Variants in NEK10 observed in about 807,000 individuals in gnomAD.
NEK10 encodes the protein serine/threonine-protein kinase Nek10.
NEK10 carries 122 observed loss-of-function variants against 159.8 expected under a neutral mutation model. The ratio of observed to expected loss-of-function variants is 0.76; its 90% confidence interval spans 0.66 to 0.89. The LOEUF is 0.89. Ranked by LOEUF, NEK10 falls within the 40% of genes least tolerant of loss-of-function variation. NEK10 has a pLI of 0.00. For synonymous variants in NEK10, 466 were observed against 457.1 expected (o/e 1.02, Z -0.25); for missense variants, 1,342 against 1,323.1 (o/e 1.01, Z -0.22).
chr3:27,368,451 T>C (rs2049266796), intron 1 of NEK10, among the ~76,000 whole-genome samples: 2 of 151,864 alleles, frequency 1.3e-5, no homozygotes, highest in Admixed American at 6.6e-5. Flanking sequence ...ATGGTGGAAA[T>C]TGAGACAGTA....
In NEK10 at chr3:27,108,172, T is replaced by C. The variant is rs1489218407; in HGVS notation, c.*3100A>G. Among the ~76,000 whole-genome samples the C allele has an allele frequency of 6.6e-6, 1 of 152,224 alleles. No homozygotes were observed. On this transcript the variant is annotated 3_prime_UTR_variant, in exon 36 of 36. Transcript: ENST00000691995. ...CTCTTAATCAATTATATCATTTGAGTAAATTTCCTAACAGTGTTTCTTAAT... is the reference window on the plus strand; with the variant it reads ...CTCTTAATCAATTATATCATTTGAGCAAATTTCCTAACAGTGTTTCTTAAT...
At chr3:27,340,561 A>G (rs918738539) in intron 5 of NEK10, among the ~76,000 whole-genome samples, 8 of 152,148 alleles carry the variant, frequency 5.3e-5, no homozygotes, top group African/African-American at 1.9e-4. Context: ...TGAATTGGCA[A>G]CTCTCAAAAG....
chr3:27,263,094 T>A (rs940343204), intron 22 of NEK10, among the ~76,000 whole-genome samples: 31 of 152,216 alleles, frequency 2.0e-4, no homozygotes, highest in Admixed American at 7.9e-4. Flanking sequence ...CCAGACCCTG[T>A]TTGCCTGGGT....
chr3:27,207,264 T>C (rs1559611935), intron 23 of NEK10, among the ~76,000 whole-genome samples: 1 of 152,202 alleles, frequency 6.6e-6, no homozygotes, highest in Admixed American at 6.5e-5. Context: ...TAAGGGTTTA[T>C]AAGAACTAGC....
At chr3:27,131,680 C>T (rs181885206) in intron 32 of NEK10, among the ~76,000 whole-genome samples, 200 bp downstream of exon 32, 1 of 152,182 alleles carries the variant, frequency 6.6e-6, no homozygotes, top group Non-Finnish European at 1.5e-5. Flanking sequence ...AAAAAGCTAT[C>T]CATTTGTTAT....
intron 32 of NEK10, among the ~76,000 whole-genome samples, chr3:27,131,604 G>A (rs969527330): frequency 2.6e-5 from 4 of 152,102 alleles, no homozygotes; most frequent in Admixed American, 6.6e-5. Context: ...TTCTCTAGAA[G>A]AGGCTAAAAT....
chr3:27,176,694 C>T (rs1278355497), intron 26 of NEK10, among the ~76,000 whole-genome samples: 1 of 152,180 alleles, frequency 6.6e-6, no homozygotes, highest in East Asian at 1.9e-4. Flanking sequence ...CAATTCAAGG[C>T]CTTTTCCTTC....
intron 30 of NEK10, among the ~76,000 whole-genome samples, chr3:27,158,113 C>T (rs1522159): frequency 0.24 from 36,354 of 151,966 alleles, 4,652 homozygotes; most frequent in Middle Eastern, 0.38. Context: ...TTGGCCGGGA[C>T]GGAACCTGCA....
chr3:27,263,482 G>A (rs1250803226), intron 22 of NEK10, among the ~76,000 whole-genome samples: 2 of 152,176 alleles, frequency 1.3e-5, no homozygotes, highest in African/African-American at 2.4e-5. Context: ...GAGCTTCCCG[G>A]CTGCTTTGTT....
At chr3:27,118,983 C>T (rs1201630143) in intron 33 of NEK10, among the ~76,000 whole-genome samples, 1 of 152,178 alleles carries the variant, frequency 6.6e-6, no homozygotes, top group Non-Finnish European at 1.5e-5. Context: ...CTATCCACTC[C>T]TCCAAGTGAC....
intron 3 of NEK10, among the ~76,000 whole-genome samples, chr3:27,348,455 T>C (rs999129973): frequency 2.6e-5 from 4 of 152,162 alleles, no homozygotes; most frequent in Non-Finnish European, 5.9e-5. Flanking sequence ...AACCTAATAG[T>C]AGGCACCTTG....
intron 23 of NEK10, among the ~76,000 whole-genome samples, chr3:27,250,377 G>C (rs988162049): frequency 6.6e-6 from 1 of 151,836 alleles, no homozygotes; most frequent in African/African-American, 2.4e-5. Context: ...TAGTAGAGAC[G>C]GGGTTTCACT....
chr3:27,253,018 T>A (rs1955821561), intron 23 of NEK10: 3 of 402,356 alleles, frequency 7.5e-6, no homozygotes, highest in South Asian at 5.4e-5. Flanking sequence ...AAAAAATAAT[T>A]TTTTTAAAAA....
At position 27,109,335 on chromosome 3, in the gene NEK10, C is replaced by T. The variant is rs541284766; in HGVS notation, c.*1937G>A. 1.4e-5 allele frequency among the ~76,000 whole-genome samples: 2 copies of T among 147,660 alleles called. No individual in the cohort carries two copies. The highest frequency in any genetic ancestry group is 3.0e-5 in the Non-Finnish European group (2 of 67,384). ...CGGAGGTTGCAGTAAGTTAAGATCT[C>T]GCCATTGCACTCAAGCCTGGGCAAC... On this transcript the variant is annotated 3_prime_UTR_variant, in exon 36 of 36. Coordinates refer to ENST00000691995, the MANE Select transcript of NEK10 (RefSeq NM_001394966.1).
intron 23 of NEK10, among the ~76,000 whole-genome samples, chr3:27,226,551 GC>G (rs759713302): frequency 3.9e-5 from 6 of 152,150 alleles, no homozygotes; most frequent in African/African-American, 7.2e-5. Context: ...TGGGCTAAAT[GC>G]TTTTTAACTC....
rs983124220 is a variant in NEK10, at chr3:27,369,004, C to G, written c.-38+221G>C. On this transcript the variant is annotated intron_variant, in intron 1 of 35. Coordinates refer to ENST00000691995, the MANE Select transcript of NEK10 (RefSeq NM_001394966.1). This position sits in a 1 kb window ranked among gnomAD's most constrained non-coding sequence, Gnocchi z 4.2. ...AAGCATCGTTGATGGCGCTTTCCCA[C>G]CATCCATCCGTCCAACACAAACCCA... 1 of 152,448 alleles carries G rather than the reference C, an allele frequency of 6.6e-6. No individual in the cohort carries two copies. The highest frequency in any genetic ancestry group is 2.4e-5 in the African/African-American group (1 of 41,446). 9.4% of individuals were successfully genotyped at this position (152,448 alleles called of 1,614,324 possible).
At chr3:27,151,689 G>T (rs1205199833) in intron 30 of NEK10, among the ~76,000 whole-genome samples, 3 of 152,192 alleles carry the variant, frequency 2.0e-5, no homozygotes, top group African/African-American at 7.2e-5. Flanking sequence ...AATTCAGGAG[G>T]TTAGTTACTT....
At chr3:27,140,722 A>G (rs1287380196) in intron 31 of NEK10, among the ~76,000 whole-genome samples, 7 of 152,284 alleles carry the variant, frequency 4.6e-5, no homozygotes, top group South Asian at 2.1e-4. Context: ...AGAGCAAGGC[A>G]ATGTTTATGT....
At chr3:27,309,175 T>C (rs1358273523) in intron 9 of NEK10, 170 bp from the exon 10 acceptor site, 4 of 459,838 alleles carry the variant, frequency 8.7e-6, no homozygotes, top group Non-Finnish European at 1.6e-5. Context: ...GTTTATAATG[T>C]ATGTGCATAT....
Sources: allele counts gnomAD v4.1 joint callset (sites outside exome capture counted in the v4.1 genomes callset), GRCh38; gene constraint gnomAD v4.1.1; non-coding constraint Gnocchi (gnomAD v3.1); transcripts MANE v1.5; gene names NCBI Gene and HGNC (gene_info 2026-07-23, HGNC 2026-07-21).